C1orf21: variants seen among roughly 807,000 people sequenced by gnomAD.
C1orf21 encodes the protein chromosome 1 open reading frame 21.
C1orf21 carries 3 observed loss-of-function variants against 18.7 expected under a neutral mutation model. That is an observed-to-expected ratio of 0.16 (90% CI 0.07 to 0.42). The LOEUF (loss-of-function observed/expected upper bound fraction) is 0.42. Among genes scored for constraint, C1orf21 ranks in the 10% least tolerant of loss-of-function variants. The probability of loss-of-function intolerance (pLI) is 0.99; values close to 1 mark genes in which losing one functional copy is unlikely to be tolerated. For synonymous variants in C1orf21, 41 were observed against 46.4 expected (o/e 0.88, Z 0.47); for missense variants, 104 against 143.6 (o/e 0.72, Z 1.41).
At chr1:184,512,659 G>A (rs1658167753) in intron 3 of C1orf21, among the ~76,000 whole-genome samples, 1 of 152,178 alleles carries the variant, frequency 6.6e-6, no homozygotes, top group Non-Finnish European at 1.5e-5. Context: ...GTAAGTATCA[G>A]TATGGGGCCT....
chr1:184,617,360 G>T (rs956609379), intron 5 of C1orf21, among the ~76,000 whole-genome samples: 1 of 152,158 alleles, frequency 6.6e-6, no homozygotes, highest in Non-Finnish European at 1.5e-5. Context: ...GGGTCCATTT[G>T]TAAGTTACCT....
intron 1 of C1orf21, among the ~76,000 whole-genome samples, chr1:184,420,457 A>T (rs1322217760): frequency 1.3e-5 from 2 of 152,344 alleles, no homozygotes; most frequent in African/African-American, 4.8e-5. Flanking sequence ...TGGGACCAAA[A>T]TACAAAATAC....
intron 3 of C1orf21, among the ~76,000 whole-genome samples, chr1:184,580,067 T>TA (rs1362646862): frequency 6.6e-6 from 1 of 152,106 alleles, no homozygotes; most frequent in Non-Finnish European, 1.5e-5. Flanking sequence ...ACTCTCCTAA[T>TA]AATCAGGTGT....
intron 4 of C1orf21, chr1:184,592,191 G>A (rs1352947117): frequency 6.6e-6 from 1 of 152,070 alleles, no homozygotes; most frequent in African/African-American, 2.4e-5. Context: ...CAAAAAAAAT[G>A]TACAAATAAC....
intron 1 of C1orf21, among the ~76,000 whole-genome samples, chr1:184,437,616 A>G (rs1656878412): frequency 1.3e-5 from 2 of 152,036 alleles, no homozygotes; most frequent in South Asian, 4.1e-4. Flanking sequence ...CAGCTGTAAC[A>G]CCATTTAATG....
chr1:184,419,179 T>C (rs1656506646), intron 1 of C1orf21, among the ~76,000 whole-genome samples: 1 of 152,172 alleles, frequency 6.6e-6, no homozygotes. Context: ...GGCTTACTTA[T>C]TTCCTCTTTC....
intron 3 of C1orf21, among the ~76,000 whole-genome samples, chr1:184,519,123 C>A (rs1374349228): frequency 6.6e-6 from 1 of 152,124 alleles, no homozygotes; most frequent in African/African-American, 2.4e-5. Context: ...ATAGAACAGA[C>A]CTCTGCTGGT....
At chr1:184,485,839 G>T (rs537143441) in intron 2 of C1orf21, among the ~76,000 whole-genome samples, 8 of 152,290 alleles carry the variant, frequency 5.3e-5, no homozygotes, top group Admixed American at 3.3e-4. Context: ...GTTATTTCCC[G>T]AAGGTGAGAG....
intron 3 of C1orf21, among the ~76,000 whole-genome samples, chr1:184,583,593 G>A (rs548744659): frequency 6.6e-6 from 1 of 152,206 alleles, no homozygotes; most frequent in Non-Finnish European, 1.5e-5. Context: ...GAAATACTAA[G>A]TGTAAAGGAT....
intron 2 of C1orf21, among the ~76,000 whole-genome samples, chr1:184,494,018 C>T (rs1479728488): frequency 6.6e-6 from 1 of 152,156 alleles, no homozygotes; most frequent in African/African-American, 2.4e-5. Flanking sequence ...ATTTGGCTCA[C>T]ATTCTAGCAG....
chr1:184,430,385 G>A (rs1656721252), intron 1 of C1orf21, among the ~76,000 whole-genome samples: 1 of 152,140 alleles, frequency 6.6e-6, no homozygotes, highest in Non-Finnish European at 1.5e-5. Context: ...AAACAGCACA[G>A]TTTACGATTT....
At chr1:184,446,529 C>T (rs975028912) in intron 1 of C1orf21, among the ~76,000 whole-genome samples, 5 of 151,948 alleles carry the variant, frequency 3.3e-5, no homozygotes, top group African/African-American at 1.2e-4. Flanking sequence ...ATTAAATGAA[C>T]ATGTTAAATG....
At chr1:184,511,705 G>A (rs1380947558) in intron 3 of C1orf21, among the ~76,000 whole-genome samples, 1 of 152,178 alleles carries the variant, frequency 6.6e-6, no homozygotes, top group African/African-American at 2.4e-5. Context: ...CATAAAGCAA[G>A]AGGTTTAACT....
intron 3 of C1orf21, among the ~76,000 whole-genome samples, chr1:184,520,781 A>T (rs1658295622): frequency 6.6e-6 from 1 of 152,218 alleles, no homozygotes; most frequent in South Asian, 2.1e-4. Flanking sequence ...TACTTGCTTG[A>T]ATTACTTTAA....
At chr1:184,410,628 T>TGTATA (rs1656321685) in intron 1 of C1orf21, among the ~76,000 whole-genome samples, 1 of 2,674 alleles carries the variant, frequency 3.7e-4, no homozygotes, top group African/African-American at 8.8e-3. Context: ...TATATATATA[T>TGTATA]ATATATATAT....
intron 3 of C1orf21, among the ~76,000 whole-genome samples, chr1:184,586,047 G>A (rs1350554991): frequency 2.6e-5 from 4 of 152,186 alleles, no homozygotes; most frequent in Non-Finnish European, 5.9e-5. Context: ...TCACCACACT[G>A]TCTTTCAAAA....
intron 3 of C1orf21, among the ~76,000 whole-genome samples, chr1:184,517,122 C>T (rs961057005): frequency 5.4e-5 from 8 of 147,926 alleles, no homozygotes; most frequent in South Asian, 2.2e-4. Flanking sequence ...AGATCACGGT[C>T]GTCATATTAC....
At chr1:184,590,845 A>G in intron 4 of C1orf21, 30 bp downstream of exon 4, 10 of 1,574,392 alleles carry the variant, frequency 6.4e-6, no homozygotes, top group Non-Finnish European at 7.9e-6. Context: ...TTCCTTATAT[A>G]GTCGGCCTTC....
Position 184,469,449 on chromosome 1 carries a change from G to C in C1orf21, c.-124-7937G>C, listed in dbSNP as rs77029639. On this transcript the variant is annotated intron_variant, in intron 1 of 5. Coordinates refer to ENST00000235307, the MANE Select transcript of C1orf21 (RefSeq NM_030806.4). ...TGAAAATGTGGAATATATTGGATTTGTGTAGAAGTTGAGGCTTTGCAATTC... is the reference window on the plus strand; with the variant it reads ...TGAAAATGTGGAATATATTGGATTTCTGTAGAAGTTGAGGCTTTGCAATTC... Among the ~76,000 whole-genome samples, 1,280 of 152,290 alleles carry C rather than the reference G, an allele frequency of 8.4e-3. 21 individuals are homozygous for C. Among genetic ancestry groups the C allele is most frequent in the African/African-American group, 0.029 (1,190 of 41,550 alleles).
Sources: allele counts gnomAD v4.1 joint callset (sites outside exome capture counted in the v4.1 genomes callset), GRCh38; gene constraint gnomAD v4.1.1; transcripts MANE v1.5; gene names NCBI Gene and HGNC (gene_info 2026-07-23, HGNC 2026-07-21).